Variants in ZEB2 observed in about 807,000 individuals in gnomAD.
ZEB2 encodes zinc finger E-box-binding homeobox 2.
ZEB2 carries 6 observed loss-of-function variants against 99.9 expected under a neutral mutation model. That is an observed-to-expected ratio of 0.06 (90% CI 0.03 to 0.12). The LOEUF (loss-of-function observed/expected upper bound fraction) is 0.12. ZEB2 is among the 10% of genes least tolerant of loss of function. The pLI, the probability that ZEB2 is intolerant of heterozygous loss-of-function variation, is 1.00. For missense variants in ZEB2, 969 were observed against 1,502.8 expected (o/e 0.64, Z 5.87); for synonymous variants, 517 against 542.5 (o/e 0.95, Z 0.65).
At chr2:144,489,953 G>A (rs760670610) in intron 2 of ZEB2, among the ~76,000 whole-genome samples, 1 of 152,210 alleles carries the variant, frequency 6.6e-6, no homozygotes, top group Non-Finnish European at 1.5e-5. Context: ...TGTCTTGTTT[G>A]TGGTTAACAT....
intron 5 of ZEB2, 150 bp from the exon 6 acceptor site, chr2:144,404,280 C>CCGGCCCCCTCG (rs1703352103): frequency 1.2e-6 from 1 of 833,658 alleles, no homozygotes; most frequent in African/African-American, 1.7e-5. Context: ...CCCTCGCACA[C>CCGGCCCCCTCG]CAGTCCCCTC....
chr2:144,450,960 G>C (rs7582631), intron 2 of ZEB2, among the ~76,000 whole-genome samples: 59,042 of 152,028 alleles, frequency 0.39, 11,598 homozygotes, highest in South Asian at 0.52. Flanking sequence ...TTACAGGCAT[G>C]AGCCACTGTG....
chr2:144,457,828 A>C (rs1704141215), intron 2 of ZEB2, among the ~76,000 whole-genome samples: 1 of 152,194 alleles, frequency 6.6e-6, no homozygotes, highest in South Asian at 2.1e-4. Context: ...TGGATTCTAC[A>C]AATGAACAGA....
intron 2 of ZEB2, among the ~76,000 whole-genome samples, chr2:144,478,499 T>C (rs957744467): frequency 6.6e-6 from 1 of 152,244 alleles, no homozygotes; most frequent in Non-Finnish European, 1.5e-5. Context: ...AAGTTGCACT[T>C]CTAAGCCTAA....
At chr2:144,407,576 T>G (rs1309079344) in intron 4 of ZEB2, among the ~76,000 whole-genome samples, 3 of 152,218 alleles carry the variant, frequency 2.0e-5, no homozygotes, top group South Asian at 2.1e-4. Context: ...AATCACCTTT[T>G]ACTTTTGATG....
chr2:144,470,778 A>T (rs1704344257), intron 2 of ZEB2, among the ~76,000 whole-genome samples: 1 of 152,060 alleles, frequency 6.6e-6, no homozygotes, highest in Non-Finnish European at 1.5e-5. Flanking sequence ...TGGGAAAAAA[A>T]TATTCCAGCA....
intron 2 of ZEB2, among the ~76,000 whole-genome samples, chr2:144,441,207 G>GAGAGAA (rs1434340753): frequency 6.7e-6 from 1 of 148,650 alleles, no homozygotes; most frequent in South Asian, 2.1e-4. Context: ...GAGAGAGAGA[G>GAGAGAA]AACCTCATGC....
chr2:144,515,305 G>A (rs1705113362), intron 2 of ZEB2, among the ~76,000 whole-genome samples: 1 of 151,944 alleles, frequency 6.6e-6, no homozygotes, highest in Non-Finnish European at 1.5e-5. Flanking sequence ...ACTTGTAAGA[G>A]GGGGAAAAAA....
At chr2:144,451,130 A>C (rs1382318382) in intron 2 of ZEB2, among the ~76,000 whole-genome samples, 1 of 152,216 alleles carries the variant, frequency 6.6e-6, no homozygotes, top group South Asian at 2.1e-4. Context: ...AAGAAAACAC[A>C]TTTAAATTTA....
At chr2:144,464,573 T>C (rs187201578) in intron 2 of ZEB2, among the ~76,000 whole-genome samples, 1 of 152,180 alleles carries the variant, frequency 6.6e-6, no homozygotes, top group Non-Finnish European at 1.5e-5. Context: ...TGGTTTTTTT[T>C]AATTTGTTTT....
chr2:144,410,740 C>A (rs542178043), intron 4 of ZEB2, among the ~76,000 whole-genome samples: 1 of 152,032 alleles, frequency 6.6e-6, no homozygotes, highest in Non-Finnish European at 1.5e-5. Flanking sequence ...GTCCTGCATG[C>A]TTTTAATTTT....
chr2:144,469,362 C>T (rs76639551), intron 2 of ZEB2, among the ~76,000 whole-genome samples: 39 of 152,264 alleles, frequency 2.6e-4, no homozygotes, highest in African/African-American at 9.4e-4. Context: ...ACACTGCCTT[C>T]GTAGAGCACG....
intron 3 of ZEB2, chr2:144,426,663 T>C (rs1703694234): frequency 6.6e-6 from 1 of 152,236 alleles, no homozygotes; most frequent in South Asian, 2.1e-4. Context: ...CAGCACATTG[T>C]GTAAATTGCA....
At position 144,429,937 on chromosome 2, in the gene ZEB2, G is replaced by T. The variant is rs1703747343; in HGVS notation, c.163C>A (p.Pro55Thr). The T allele has an allele frequency of 1.9e-6, 3 of 1,613,692 alleles. No homozygotes were observed. The highest frequency in any genetic ancestry group is 1.1e-5 in the South Asian group (1 of 91,076). Residue 55 changes from proline (P) to threonine (T), a missense_variant, in exon 3 of 10, where the codon CCT becomes ACT. By Grantham distance (38) the Pro-to-Thr change is conservative. Transcript: ENST00000627532. ...GCTGGACTCGTCTCCTGGTCCAGAGGGTTGGCAATACCGTCATCCTCAGCA... is the reference window on the plus strand; with the variant it reads ...GCTGGACTCGTCTCCTGGTCCAGAGTGTTGGCAATACCGTCATCCTCAGCA... ...HIAEDDGIAN[P>T]LDQETSPASV... is the part of the protein sequence containing the mutation.
chr2:144,438,833 C>T (rs1703869945), intron 2 of ZEB2, among the ~76,000 whole-genome samples: 1 of 152,068 alleles, frequency 6.6e-6, no homozygotes, highest in Non-Finnish European at 1.5e-5. Flanking sequence ...CTGCAGCCAC[C>T]CTACTCACAT....
rs12473384 is a variant in ZEB2, at chr2:144,440,628, T to C, written c.74-10602A>G. On this transcript the variant is annotated intron_variant, in intron 2 of 9. Coordinates refer to ENST00000627532, the MANE Select transcript of ZEB2 (RefSeq NM_014795.4). ...TCATCCCATTTTTTGGCCAGAACAA[T>C]TGAGTCACACGCATGGTGTGCCTTG... is the stretch of plus-strand genomic sequence containing the variant. Among the ~76,000 whole-genome samples the C allele has an allele frequency of 9.9e-3, 1,501 of 151,254 alleles. 82 individuals are homozygous for C. Among genetic ancestry groups the C allele is most frequent in the Admixed American group, 0.089 (1,346 of 15,204 alleles).
intron 2 of ZEB2, among the ~76,000 whole-genome samples, chr2:144,460,742 ACTT>A (rs1218769325): frequency 1.3e-5 from 2 of 152,050 alleles, no homozygotes; most frequent in Non-Finnish European, 2.9e-5. Flanking sequence ...GAGACTCTAA[ACTT>A]CTTTTAGTAT....
intron 2 of ZEB2, among the ~76,000 whole-genome samples, chr2:144,494,009 G>A (rs1447999085): frequency 6.6e-6 from 1 of 151,820 alleles, no homozygotes; most frequent in Non-Finnish European, 1.5e-5. Context: ...AAAATTAGCC[G>A]GGCGTGGTTG....
chr2:144,480,258 T>A (rs908313352), intron 2 of ZEB2, among the ~76,000 whole-genome samples: 2 of 152,140 alleles, frequency 1.3e-5, no homozygotes, highest in African/African-American at 4.8e-5. Flanking sequence ...CCCCATCACC[T>A]GGGAGAAATT....
Sources: gnomAD v4.1 joint callset for allele counts (sites outside exome capture counted in the v4.1 genomes callset) on GRCh38, gnomAD v4.1.1 for gene constraint, MANE v1.5 for transcripts, NCBI Gene and HGNC (gene_info 2026-07-23, HGNC 2026-07-21) for gene names.